MAP1S: variants seen among roughly 807,000 people sequenced by gnomAD.
The protein encoded by MAP1S is microtubule associated protein 1S, also known as microtubule-associated protein 1S.
In MAP1S, 27 loss-of-function variants were observed where a neutral mutation model predicts 60.9. That is an observed-to-expected ratio of 0.44 (90% CI 0.33 to 0.61). The LOEUF is 0.61. MAP1S is among the 20% of genes least tolerant of loss of function. The pLI is 0.03. For missense variants in MAP1S, 1,608 were observed against 1,486.6 expected (o/e 1.08, Z -1.34); for synonymous variants, 826 against 694.2 (o/e 1.19, Z -2.98).
In MAP1S at chr19:17,725,129, G is replaced by A. The variant is rs1232920147; in HGVS notation, c.384G>A (p.Leu128=). The part of the protein sequence containing the change: ...AGPCLEETGE[L]LLQTGGFSPH... The stretch of plus-strand genomic sequence containing the variant: ...CCTGCCTGGAGGAGACGGGGGAGCT[G>A]CTGCTACAGACAGGGGGCTTCTCGC... Residue 128 remains leucine, a synonymous_variant, in exon 4 of 7, where the codon CTG becomes CTA. Coordinates refer to ENST00000324096, the MANE Select transcript of MAP1S (RefSeq NM_018174.6). This position sits in a 1 kb window ranked among gnomAD's most constrained non-coding sequence, Gnocchi z 4.2. 1 of 1,614,150 alleles carries A rather than the reference G, an allele frequency of 6.2e-7. No homozygotes were observed. The highest frequency in any genetic ancestry group is 1.1e-5 in the South Asian group (1 of 91,082).
chr19:17,721,813 G>A (rs2080373150), intron 2 of MAP1S, among the ~76,000 whole-genome samples: 2 of 152,310 alleles, frequency 1.3e-5, no homozygotes, highest in Middle Eastern at 6.8e-3. Flanking sequence ...ACAGTAGGCA[G>A]GGAACTGAAA....
In MAP1S at chr19:17,719,583, G is replaced by A. The variant is rs772931985; in HGVS notation, c.81G>A (p.Pro27=). ...TGGTGGGCAGCGAGTTCGGGAGCCC[G>A]GGGCTCCTCACCTACGTCCTGGAGG... ...LLVVGSEFGS[P]GLLTYVLEEL... is the part of the protein sequence containing the mutation. The change falls in exon 1 of 7, where the codon CCG becomes CCA. Residue 27 remains proline (P), a synonymous_variant. Coordinates refer to ENST00000324096, the MANE Select transcript of MAP1S (RefSeq NM_018174.6). 6 of 1,245,494 alleles carry A rather than the reference G, an allele frequency of 4.8e-6. No homozygotes were observed. The highest frequency in any genetic ancestry group is 6.1e-6 in the Non-Finnish European group (6 of 987,192). The allele number at this position is 1,245,494 out of a possible 1,614,324, so 77.2% of individuals were successfully genotyped here.
At position 17,725,750 on chromosome 19, in the gene MAP1S, GGT is replaced by G; in HGVS notation, c.445-76_445-75del. 7.1e-7 allele frequency: 1 copy of G among 1,414,614 alleles called. No homozygotes were observed. Among genetic ancestry groups the G allele is most frequent in the Non-Finnish European group, 9.6e-7 (1 of 1,038,594 alleles). 87.6% of individuals were successfully genotyped at this position (1,414,614 alleles called of 1,614,324 possible). A position where few individuals can be genotyped will look rare whatever the true frequency, so the allele number is the denominator to read the frequency against. On this transcript the variant is annotated intron_variant, in intron 4 of 6. Coordinates refer to ENST00000324096, the MANE Select transcript of MAP1S (RefSeq NM_018174.6). The surrounding 1 kb of genome is among the most constrained non-coding windows in gnomAD (Gnocchi z 4.2). ...AGCAGGCCCTGGGGGAAAGGATGAG[GGT>G]GTCCTCGCCCAGTTTTCCCACCGGG...
intron 5 of MAP1S, among the ~76,000 whole-genome samples, chr19:17,731,518 A>C (rs1219952981): frequency 6.6e-6 from 1 of 152,280 alleles, no homozygotes; most frequent in South Asian, 2.1e-4. Flanking sequence ...CTTTGTAGTA[A>C]GTTTTGAAAT....
At position 17,727,174 on chromosome 19, in the gene MAP1S, C is replaced by G. The variant is rs367969046; in HGVS notation, c.1790C>G (p.Ala597Gly). The stretch of plus-strand genomic sequence containing the variant: ...GGAGAAGCCAGCCCCCCCAGTGCAG[C>G]CTGCGGCTCTCCGGCCTCCCAGCTG... ...RCGEASPPSA[A>G]CGSPASQLVA... Residue 597 changes from alanine to glycine, a missense_variant, in exon 5 of 7, where the codon GCC (alanine) becomes GGC (glycine). This residue lies in a region of MAP1S where 1,167 missense variants were observed against 961.4 expected (regional missense o/e 1.21). Transcript: ENST00000324096. This position sits in a 1 kb window ranked among gnomAD's most constrained non-coding sequence, Gnocchi z 4.1. The G allele has an allele frequency of 1.3e-6, 2 of 1,581,950 alleles. No homozygotes were observed. Among genetic ancestry groups the G allele is most frequent in the Non-Finnish European group, 8.6e-7 (1 of 1,167,710 alleles).
chr19:17,719,540 C>G lies in MAP1S; in HGVS notation c.38C>G (p.Pro13Arg), dbSNP rs1290770365. Residue 13 changes from proline to arginine, a missense_variant, in exon 1 of 7, where the codon CCG becomes CGG. Pro to Arg is a moderately radical substitution (Grantham distance 103). Transcript: ENST00000324096. ...AVAGSGAAAAPSSLLLVVGSE... is the reference protein window; with the variant it reads ...AVAGSGAAAARSSLLLVVGSE... Reference sequence around the variant, plus strand: ...GCTGGATCTGGGGCTGCCGCGGCTCCGAGCTCACTGCTCCTCGTGGTGGGC... The same window carrying G: ...GCTGGATCTGGGGCTGCCGCGGCTCGGAGCTCACTGCTCCTCGTGGTGGGC... The G allele has an allele frequency of 2.4e-6, 3 of 1,246,156 alleles. No homozygotes were observed. The highest frequency in any genetic ancestry group is 2.0e-6 in the Non-Finnish European group (2 of 987,602). The allele number at this position is 1,246,156 out of a possible 1,614,324, so 77.2% of individuals were successfully genotyped here. A position where few individuals can be genotyped will look rare whatever the true frequency, so the allele number is the denominator to read the frequency against.
At chr19:17,723,048 C>G (rs2080385505) in intron 2 of MAP1S, among the ~76,000 whole-genome samples, 1 of 151,912 alleles carries the variant, frequency 6.6e-6, no homozygotes, top group Non-Finnish European at 1.5e-5. Flanking sequence ...TGCCACCCCC[C>G]TCTCACAGTA....
intron 1 of MAP1S, 188 bp from the exon 2 acceptor site, chr19:17,720,748 A>C: frequency 1.6e-6 from 1 of 631,024 alleles, no homozygotes; most frequent in South Asian, 1.9e-5. Context: ...TAAAATGATG[A>C]GGTGTGCTCT....
At position 17,733,439 on chromosome 19, in the gene MAP1S, C is replaced by T. The variant is rs1321439756; in HGVS notation, c.3024+11C>T. 1.7e-5 allele frequency: 27 copies of T among 1,574,066 alleles called. No individual in the cohort carries two copies. Among genetic ancestry groups the T allele is most frequent in the Non-Finnish European group, 2.2e-5 (26 of 1,158,566 alleles). On this transcript the variant is annotated intron_variant, in intron 6 of 6. Coordinates refer to ENST00000324096, the MANE Select transcript of MAP1S (RefSeq NM_018174.6). ...GACCGTGACCTGCAGGTGCGTGTCA[C>T]CCCAGGGCCTCTGGTGGTAAGTGTA...
In MAP1S at chr19:17,724,318, C is replaced by T. The variant is rs1297418371; in HGVS notation, c.303+110C>T. 5 of 837,728 alleles carry T rather than the reference C, an allele frequency of 6.0e-6. No homozygotes were observed. In the East Asian group the frequency reaches 8.1e-5, roughly 14 times the overall value. 51.9% of individuals were successfully genotyped at this position (837,728 alleles called of 1,614,324 possible). ...TGCTGCCCCAGATCCTCTCAAGACA[C>T]CCGGCACCACACTTCTTCGCCCACG... is the stretch of plus-strand genomic sequence containing the variant. On this transcript the variant is annotated intron_variant, in intron 3 of 6. Transcript: ENST00000324096.
At chr19:17,731,698 C>T (rs1301041106) in intron 5 of MAP1S, among the ~76,000 whole-genome samples, 1 of 152,222 alleles carries the variant, frequency 6.6e-6, no homozygotes, top group East Asian at 1.9e-4. Context: ...TGGAGTCTCA[C>T]TCTGTCGCCC....
At chr19:17,722,766 A>AGAGGGAGGGAGGGAGGGAGG (rs754077101) in intron 2 of MAP1S, among the ~76,000 whole-genome samples, 1 of 111,888 alleles carries the variant, frequency 8.9e-6, no homozygotes, top group Non-Finnish European at 1.8e-5. Flanking sequence ...AGAGAGAGAG[A>AGAGGGAGGGAGGGAGGGAGG]GAGGGAGGGA....
At chr19:17,720,890 TG>T (rs1224301959) in intron 1 of MAP1S, 45 bp from the exon 2 acceptor site, 12 of 1,445,404 alleles carry the variant, frequency 8.3e-6, no homozygotes, top group Non-Finnish European at 9.7e-6. Context: ...TTCTGGGAGC[TG>T]GGGGGCCCGG....
chr19:17,725,459 G>A lies in MAP1S; in HGVS notation c.444+270G>A, dbSNP rs2145974040. The stretch of plus-strand genomic sequence containing the variant: ...AAATGGGTCCTTCCTGGTGCCCGCA[G>A]TCTGGGTAGGACACATGGGCAAAAT... On this transcript the variant is annotated intron_variant, in intron 4 of 6. Coordinates refer to ENST00000324096, the MANE Select transcript of MAP1S (RefSeq NM_018174.6). This position sits in a 1 kb window ranked among gnomAD's most constrained non-coding sequence, Gnocchi z 4.2. Among the ~76,000 whole-genome samples, 1 of 152,356 alleles carries A rather than the reference G, an allele frequency of 6.6e-6. No individual in the cohort carries two copies. Among genetic ancestry groups the A allele is most frequent in the African/African-American group, 2.4e-5 (1 of 41,580 alleles).
Position 17,727,010 on chromosome 19 carries a change from C to T in MAP1S, c.1626C>T (p.Arg542=), listed in dbSNP as rs377002064. The T allele has an allele frequency of 1.2e-5, 19 of 1,585,102 alleles. No individual in the cohort carries two copies. Among genetic ancestry groups the T allele is most frequent in the Non-Finnish European group, 1.5e-5 (17 of 1,166,808 alleles). The change falls in exon 5 of 7, where the codon CGC becomes CGT. Residue 542 remains arginine, a synonymous_variant. Transcript: ENST00000324096. The surrounding 1 kb of genome is among the most constrained non-coding windows in gnomAD (Gnocchi z 4.1). ...CCCGGACCCAGCCGCGGGAGGTGCG[C>T]CGGGCAGCCTCTTCTGTGCCCAACC... The part of the protein sequence containing the change: ...SVSRTQPREV[R]RAASSVPNLK...
At position 17,727,397 on chromosome 19, in the gene MAP1S, AGTGACCACACCCACG is replaced by A; in HGVS notation, c.2022_2036del (p.Thr676_Pro680del). On this transcript the variant is annotated inframe_deletion, in exon 5 of 7. Transcript: ENST00000324096. This position sits in a 1 kb window ranked among gnomAD's most constrained non-coding sequence, Gnocchi z 4.1. The stretch of plus-strand genomic sequence containing the variant: ...AGGCCGGGCCAGACGCCTCACCCAC[AGTGACCACACCCACG>A]GTGACCACGCCCTCACTACCCGCAG... 2 of 1,596,570 alleles carry A rather than the reference AGTGACCACACCCACG, an allele frequency of 1.3e-6. No individual in the cohort carries two copies. Among genetic ancestry groups the A allele is most frequent in the Non-Finnish European group, 1.7e-6 (2 of 1,172,428 alleles).
chr19:17,733,166 C>A (rs1435199893), intron 5 of MAP1S, 27 bp from the exon 6 acceptor site: 7 of 1,469,560 alleles, frequency 4.8e-6, no homozygotes, highest in Non-Finnish European at 6.4e-6. Context: ...GGAGCTCATC[C>A]CTGCCTCCCC....
Position 17,726,624 on chromosome 19 carries a change from G to C in MAP1S, c.1240G>C (p.Ala414Pro). Residue 414 changes from alanine to proline, a missense_variant, in exon 5 of 7, where the codon GCC (alanine) becomes CCC (proline). By Grantham distance (27) the Ala-to-Pro change is conservative (BLOSUM62 -1). Coordinates refer to ENST00000324096, the MANE Select transcript of MAP1S (RefSeq NM_018174.6). ...CGAGCGCACGCTGGCCTCTGTGTGCGCCCTGCTGGTGTGGCACCCCGCCGG... is the reference window on the plus strand; with the variant it reads ...CGAGCGCACGCTGGCCTCTGTGTGCCCCCTGCTGGTGTGGCACCCCGCCGG... The part of the protein sequence containing the change: ...GAERTLASVC[A>P]LLVWHPAGPG... 1 of 1,572,434 alleles carries C rather than the reference G, an allele frequency of 6.4e-7. No individual in the cohort carries two copies. The highest frequency in any genetic ancestry group is 1.1e-5 in the South Asian group (1 of 87,136).
chr19:17,725,978 G>C lies in MAP1S; in HGVS notation c.594G>C (p.Pro198=). The C allele has an allele frequency of 1.9e-6, 3 of 1,612,306 alleles. No homozygotes were observed. The highest frequency in any genetic ancestry group is 1.1e-5 in the South Asian group (1 of 90,946). Residue 198 remains proline, a synonymous_variant, in exon 5 of 7, where the codon CCG becomes CCC. Transcript: ENST00000324096. This position sits in a 1 kb window ranked among gnomAD's most constrained non-coding sequence, Gnocchi z 4.2. The part of the protein sequence containing the change: ...ALRLQLRLNP[P]AQLPNSEGLC... ...GGCTCCAGCTGCGGCTGAACCCCCC[G>C]GCGCAGCTGCCCAACTCTGAGGGCC...
Sources: gnomAD v4.1 joint callset for allele counts (sites outside exome capture counted in the v4.1 genomes callset) on GRCh38, gnomAD v4.1.1 for gene constraint, gnomAD v4.1.1 regional missense constraint, Gnocchi (gnomAD v3.1) non-coding constraint, MANE v1.5 for transcripts, NCBI Gene and HGNC (gene_info 2026-07-23, HGNC 2026-07-21) for gene names.